TENM3: variants seen among roughly 807,000 people sequenced by gnomAD.
TENM3 encodes the protein teneurin transmembrane protein 3, also known as teneurin-3.
In TENM3, 63 loss-of-function variants were observed where a neutral mutation model predicts 255.1. The observed-to-expected ratio is 0.25, with a 90% CI of 0.20 to 0.30. TENM3 has a LOEUF of 0.30. Ranked by LOEUF, TENM3 falls within the 10% of genes least tolerant of loss-of-function variation. The pLI is 1.00. For missense variants in TENM3, 2,929 were observed against 3,461.1 expected, an observed-to-expected ratio of 0.85 and a Z score of 3.86; for synonymous variants, 1,306 against 1,322.3, an observed-to-expected ratio of 0.99 and a Z score of 0.27.
At chr4:181,975,853 A>C in the TENM3 span, 2 of 152,194 alleles carry the variant, frequency 1.3e-5, no homozygotes, top group African/African-American at 4.8e-5. Context: ...AAGTACCACA[A>C]ACTGGGTGGC....
intron 1 of TENM3, among the ~76,000 whole-genome samples, chr4:182,147,766 T>C (rs558263286): frequency 6.6e-6 from 1 of 152,300 alleles, no homozygotes; most frequent in Non-Finnish European, 1.5e-5. Flanking sequence ...TACATATTCC[T>C]TTAAATTTCT....
At chr4:182,540,497 G>T (rs1181080379) in intron 3 of TENM3, among the ~76,000 whole-genome samples, 1 of 152,100 alleles carries the variant, frequency 6.6e-6, no homozygotes, top group East Asian at 1.9e-4. Flanking sequence ...GGAGGCAGGA[G>T]AATCACTTGA....
At chr4:182,101,591 A>G in the TENM3 span, among the ~76,000 whole-genome samples, 9 of 152,040 alleles carry the variant, frequency 5.9e-5, no homozygotes, top group African/African-American at 2.2e-4. Context: ...TAGTGAGGAG[A>G]ATGTTGGTTA....
rs1167125645 is a variant in TENM3 at position 182,490,562 on chromosome 4, AAATGGTTAT to A, written c.512-110358_512-110350del. Among the ~76,000 whole-genome samples, 6 of 152,246 alleles carry A rather than the reference AAATGGTTAT, an allele frequency of 3.9e-5. No individual in the cohort carries two copies. In the East Asian group the frequency reaches 1.2e-3, roughly 29 times the overall value. Reference sequence around the variant, plus strand: ...TACAGATGTCAGATTCCAGGGGAAAAAATGGTTATAATTTTTGACTTCATGGAAAAGTGA... The same window carrying A: ...TACAGATGTCAGATTCCAGGGGAAAAAATTTTTGACTTCATGGAAAAGTGA... On this transcript the variant is annotated intron_variant, in intron 3 of 27. Transcript: ENST00000511685.
At chr4:182,294,251 G>C (rs1347453758) in intron 1 of TENM3, among the ~76,000 whole-genome samples, 1 of 152,152 alleles carries the variant, frequency 6.6e-6, no homozygotes, top group African/African-American at 2.4e-5. Flanking sequence ...GTGAGGTGGA[G>C]GTCTAAGAAT....
chr4:182,260,109 G>A (rs1758685108), intron 1 of TENM3, among the ~76,000 whole-genome samples: 1 of 152,098 alleles, frequency 6.6e-6, no homozygotes, highest in African/African-American at 2.4e-5. Flanking sequence ...TTGTGTGTAT[G>A]GACTAAATTT....
chr4:182,784,333 C>G (rs1305430253), intron 24 of TENM3, among the ~76,000 whole-genome samples: 1 of 151,766 alleles, frequency 6.6e-6, no homozygotes, highest in Non-Finnish European at 1.5e-5. Context: ...TCAGTGTGCC[C>G]CTGCTGGGGG....
chr4:182,780,977 A>AGAT (rs1232615566), intron 24 of TENM3, among the ~76,000 whole-genome samples: 113 of 151,430 alleles, frequency 7.5e-4, no homozygotes, highest in Middle Eastern at 3.4e-3. Flanking sequence ...GGGGTTTTCT[A>AGAT]GATATACAAT....
intron 3 of TENM3, among the ~76,000 whole-genome samples, chr4:182,439,153 C>T (rs977407591): frequency 9.9e-5 from 15 of 152,228 alleles, no homozygotes; most frequent in African/African-American, 3.4e-4. Flanking sequence ...TGTACAGATA[C>T]ATCTGTGAAG....
At chr4:181,862,495 T>C in the TENM3 span, among the ~76,000 whole-genome samples, 1 of 152,060 alleles carries the variant, frequency 6.6e-6, no homozygotes, top group African/African-American at 2.4e-5. Context: ...CTTTTAAGCT[T>C]CATTAACAAA....
the TENM3 span, among the ~76,000 whole-genome samples, chr4:182,087,413 TCTTCACTGGACAAAAA>T: frequency 6.6e-6 from 1 of 152,212 alleles, no homozygotes; most frequent in Non-Finnish European, 1.5e-5. Context: ...GGGAAATTCC[TCTTCACTGGACAAAAA>T]CGAAGGCACA....
At chr4:182,755,902 G>A (rs1316612578) in intron 22 of TENM3, among the ~76,000 whole-genome samples, 1 of 151,870 alleles carries the variant, frequency 6.6e-6, no homozygotes, top group East Asian at 1.9e-4. Flanking sequence ...CAAGATGTAG[G>A]GCCTTGGAAA....
the TENM3 span, among the ~76,000 whole-genome samples, chr4:181,501,901 C>T: frequency 6.6e-6 from 1 of 152,014 alleles, no homozygotes; most frequent in Non-Finnish European, 1.5e-5. Flanking sequence ...CGAGCCGGGA[C>T]ATAAGTCAGG....
At chr4:181,572,909 C>T in the TENM3 span, among the ~76,000 whole-genome samples, 1 of 152,190 alleles carries the variant, frequency 6.6e-6, no homozygotes, top group Admixed American at 6.5e-5. Flanking sequence ...TTCCTAGCCC[C>T]TGGTAACCAT....
the TENM3 span, among the ~76,000 whole-genome samples, chr4:182,108,418 C>G: frequency 6.6e-6 from 1 of 152,158 alleles, no homozygotes; most frequent in African/African-American, 2.4e-5. Flanking sequence ...ATGAGGAATA[C>G]TGTTTCCTCT....
At chr4:182,736,163 A>C (rs1761144507) in intron 16 of TENM3, among the ~76,000 whole-genome samples, 1 of 152,204 alleles carries the variant, frequency 6.6e-6, no homozygotes, top group South Asian at 2.1e-4. Flanking sequence ...TTATTACATT[A>C]CCTCTCAACA....
intron 1 of TENM3, among the ~76,000 whole-genome samples, chr4:182,312,136 G>T (rs2150422318): frequency 6.6e-6 from 1 of 152,292 alleles, no homozygotes; most frequent in South Asian, 2.1e-4. Context: ...ACACAAACTG[G>T]CTGTGTTGCT....
chr4:182,202,277 C>T (rs902899445), intron 1 of TENM3, among the ~76,000 whole-genome samples: 1 of 148,212 alleles, frequency 6.7e-6, no homozygotes, highest in African/African-American at 2.5e-5. Flanking sequence ...TTTGAATGCA[C>T]AACTAAGATG....
the TENM3 span, among the ~76,000 whole-genome samples, chr4:181,855,462 C>G: frequency 6.6e-6 from 1 of 152,144 alleles, no homozygotes; most frequent in Non-Finnish European, 1.5e-5. Flanking sequence ...TATTAAGTGT[C>G]AGTTATGATT....
Sources: allele counts gnomAD v4.1 joint callset (sites outside exome capture counted in the v4.1 genomes callset), GRCh38; gene constraint gnomAD v4.1.1; transcripts MANE v1.5; gene names NCBI Gene and HGNC (gene_info 2026-07-23, HGNC 2026-07-21).